The following SYNPO2 variants were observed in gnomAD, a reference collection of about 807,000 sequenced individuals.
SYNPO2 encodes the protein synaptopodin 2, also known as synaptopodin-2.
In SYNPO2, 56 loss-of-function variants were observed where a neutral mutation model predicts 85.0. The ratio of observed to expected loss-of-function variants is 0.66; its 90% CI spans 0.53 to 0.82. The LOEUF is 0.82. SYNPO2 is among the 40% of genes least tolerant of loss of function. The pLI, the probability that SYNPO2 is intolerant of heterozygous loss-of-function variation, is 0.00. For synonymous variants in SYNPO2, 602 were observed against 591.1 expected (o/e 1.02, Z -0.27); for missense variants, 1,575 against 1,534.2 (o/e 1.03, Z -0.44).
At chr4:119,001,803 C>A (rs1736833067) in intron 1 of SYNPO2, among the ~76,000 whole-genome samples, 1 of 152,110 alleles carries the variant, frequency 6.6e-6, no homozygotes, top group East Asian at 1.9e-4. Context: ...TCTGTGTTTA[C>A]CTTTGTCTAG....
chr4:119,055,386 C>A (rs559691359), intron 4 of SYNPO2, among the ~76,000 whole-genome samples: 1 of 152,282 alleles, frequency 6.6e-6, no homozygotes, highest in African/African-American at 2.4e-5. Flanking sequence ...AACTCCTGAT[C>A]TCAAGTGATC....
intron 1 of SYNPO2, among the ~76,000 whole-genome samples, chr4:118,878,404 T>C (rs940612582): frequency 6.6e-6 from 1 of 152,184 alleles, no homozygotes; most frequent in Non-Finnish European, 1.5e-5. Context: ...AATATTATTT[T>C]ATCACTTAAA....
chr4:118,890,757 A>C lies in SYNPO2; in HGVS notation c.105+1616A>C, dbSNP rs192773078. 5.2e-3 allele frequency among the ~76,000 whole-genome samples: 501 copies of C among 96,812 alleles called. 2 individuals carry two copies. The highest frequency in any genetic ancestry group is 8.8e-3 in the Non-Finnish European group (379 of 42,992). 63.5% of individuals were successfully genotyped at this position (96,812 alleles called of 152,430 possible). ...TCTGTGTGTGTGTGTGTGTGTGTGT[A>C]GGGAGAGAGAGACAAATATTTTAAC... On this transcript the variant is annotated intron_variant, in intron 1 of 4. Transcript: ENST00000307142.
chr4:118,863,345 G>T (rs1560802055), intron 1 of SYNPO2, among the ~76,000 whole-genome samples: 1 of 152,154 alleles, frequency 6.6e-6, no homozygotes, highest in Non-Finnish European at 1.5e-5. Context: ...TTTGTTATTG[G>T]TCTGTTCAGG....
intron 4 of SYNPO2, chr4:119,035,745 G>C (rs1481888273): frequency 1.0e-6 from 1 of 982,366 alleles, no homozygotes; most frequent in East Asian, 1.2e-4. Context: ...CAAGAAGCAG[G>C]CATTGTAGGA....
At chr4:119,007,231 T>TATATATAC (rs1737074516) in intron 1 of SYNPO2, among the ~76,000 whole-genome samples, 1 of 49,282 alleles carries the variant, frequency 2.0e-5, no homozygotes, top group African/African-American at 9.4e-5. Flanking sequence ...TATATATATA[T>TATATATAC]ATATATATAT....
chr4:119,050,615 A>G (rs1739007351), intron 4 of SYNPO2, among the ~76,000 whole-genome samples: 1 of 152,186 alleles, frequency 6.6e-6, no homozygotes, highest in Non-Finnish European at 1.5e-5. Flanking sequence ...TAAGCAATCT[A>G]TTAATGTTGG....
At chr4:119,042,500 GC>G (rs1425081716) in intron 4 of SYNPO2, 3 of 152,080 alleles carry the variant, frequency 2.0e-5, no homozygotes, top group African/African-American at 4.8e-5. Flanking sequence ...AATCTATCTG[GC>G]AGTAATCTAA....
intron 1 of SYNPO2, among the ~76,000 whole-genome samples, chr4:118,873,146 G>A (rs903913383): frequency 6.6e-6 from 1 of 152,132 alleles, no homozygotes; most frequent in African/African-American, 2.4e-5. Context: ...TGTGAATAGT[G>A]CTGCAACAAA....
At chr4:118,925,967 A>G (rs2149130577) in intron 1 of SYNPO2, among the ~76,000 whole-genome samples, 1 of 152,330 alleles carries the variant, frequency 6.6e-6, no homozygotes, top group Middle Eastern at 3.4e-3. Context: ...CTGGGCAAAC[A>G]AAGATAAATT....
upstream of SYNPO2, among the ~76,000 whole-genome samples, chr4:118,885,269 GA>G (rs997302594): frequency 7.9e-5 from 12 of 152,122 alleles, no homozygotes; most frequent in Non-Finnish European, 8.8e-5. Flanking sequence ...TGAACTATAG[GA>G]AAAATAACAT....
At chr4:118,863,467 A>T (rs1731647652) in intron 1 of SYNPO2, among the ~76,000 whole-genome samples, 1 of 149,466 alleles carries the variant, frequency 6.7e-6, no homozygotes, top group Non-Finnish European at 1.5e-5. Flanking sequence ...GTAGTCACTA[A>T]TAATCCTTTG....
At chr4:118,961,052 C>G (rs1381146210) in intron 1 of SYNPO2, among the ~76,000 whole-genome samples, 1 of 150,728 alleles carries the variant, frequency 6.6e-6, no homozygotes, top group Non-Finnish European at 1.5e-5. Context: ...ATTCAAATTT[C>G]TTACCTTTGC....
At chr4:119,007,290 A>G (rs1164596881) in intron 1 of SYNPO2, among the ~76,000 whole-genome samples, 1 of 84,090 alleles carries the variant, frequency 1.2e-5, no homozygotes, top group Non-Finnish European at 2.4e-5. Context: ...ATACATATAT[A>G]TATATATGTA....
intron 1 of SYNPO2, among the ~76,000 whole-genome samples, chr4:118,918,444 G>C (rs1364365632): frequency 6.6e-6 from 1 of 152,114 alleles, no homozygotes; most frequent in Non-Finnish European, 1.5e-5. Context: ...TTGAGACTAT[G>C]TTCAAATAGA....
chr4:119,004,375 C>T (rs1484386400), intron 1 of SYNPO2, among the ~76,000 whole-genome samples: 1 of 146,186 alleles, frequency 6.8e-6, no homozygotes, highest in Admixed American at 6.8e-5. Flanking sequence ...ATCCCTACCC[C>T]CTACCCCCAC....
chr4:118,993,133 C>T (rs1189653621), intron 1 of SYNPO2, among the ~76,000 whole-genome samples: 1 of 152,142 alleles, frequency 6.6e-6, no homozygotes, highest in Non-Finnish European at 1.5e-5. Context: ...GAATTACTTA[C>T]ATTGTCAATT....
At chr4:118,886,232 C>T (rs533719986), upstream of SYNPO2, among the ~76,000 whole-genome samples, 1 of 152,176 alleles carries the variant, frequency 6.6e-6, no homozygotes, top group South Asian at 2.1e-4. Flanking sequence ...TCTTTGTTCT[C>T]AGAGCTCATT....
intron 4 of SYNPO2, chr4:119,044,040 ATGTC>A (rs1211307835): frequency 1.3e-5 from 2 of 151,448 alleles, no homozygotes; most frequent in African/African-American, 4.8e-5. Flanking sequence ...CTAATTTCGT[ATGTC>A]TGATAAGTAG....
Sources: allele counts gnomAD v4.1 joint callset (sites outside exome capture counted in the v4.1 genomes callset), GRCh38; gene constraint gnomAD v4.1.1; transcripts MANE v1.5; gene names NCBI Gene and HGNC (gene_info 2026-07-23, HGNC 2026-07-21).